The following NRBP2 variants were observed in gnomAD, a reference collection of about 807,000 sequenced individuals.
NRBP2 encodes nuclear receptor binding protein 2, also known as nuclear receptor-binding protein 2.
In NRBP2, 47 loss-of-function variants were observed where a neutral mutation model predicts 74.4. That is an observed-to-expected ratio of 0.63 (90% CI 0.50 to 0.81). NRBP2 has a LOEUF of 0.81. Among genes scored for constraint, NRBP2 ranks in the 30% least tolerant of loss-of-function variants. The pLI is 0.00. For synonymous variants in NRBP2, 312 were observed against 273.8 expected (o/e 1.14, Z -1.38); for missense variants, 613 against 690.1 (o/e 0.89, Z 1.25).
At position 143,834,686 on chromosome 8, in the gene NRBP2, C is replaced by T. The variant is rs1818283582; in HGVS notation, c.*976G>A. On this transcript the variant is annotated 3_prime_UTR_variant, in exon 18 of 18. Coordinates refer to ENST00000442628, the MANE Select transcript of NRBP2 (RefSeq NM_178564.4). Reference sequence around the variant, plus strand: ...GTTTAAAATGCTTAAGGCCATTTCACTAAGTTTGGAATTGGAGGAGAGGCA... The same window carrying T: ...GTTTAAAATGCTTAAGGCCATTTCATTAAGTTTGGAATTGGAGGAGAGGCA... 1 of 152,250 alleles carries T rather than the reference C, an allele frequency of 6.6e-6. No homozygotes were observed. The highest frequency in any genetic ancestry group is 1.5e-5 in the Non-Finnish European group (1 of 68,084). The allele number at this position is 152,250 out of a possible 1,614,324, so 9.4% of individuals were successfully genotyped here.
At position 143,837,633 on chromosome 8, in the gene NRBP2, G is replaced by C; in HGVS notation, c.963C>G (p.Ile321Met). 6.2e-7 allele frequency: 1 copy of C among 1,600,470 alleles called. No individual in the cohort carries two copies. Among genetic ancestry groups the C allele is most frequent in the Non-Finnish European group, 8.5e-7 (1 of 1,173,786 alleles). Reference protein sequence around the residue: ...SLKLLAAHCFIQHQYLMPENV... With the variant: ...SLKLLAAHCFMQHQYLMPENV... ...CGGCCTGCTGCTCACACTGGTGCTG[G>C]ATGAAGCAGTGGGCTGCCAGGAGCT... The change falls in exon 11 of 18, where the codon ATC becomes ATG. Residue 321 changes from isoleucine to methionine, a missense_variant. Transcript: ENST00000442628. This position sits in a 1 kb window ranked among gnomAD's most constrained non-coding sequence, Gnocchi z 4.3.
intron 14 of NRBP2, 69 bp downstream of exon 14, chr8:143,836,969 GA>G: frequency 6.6e-7 from 1 of 1,525,818 alleles, no homozygotes; most frequent in Non-Finnish European, 8.9e-7. Flanking sequence ...CTAAGAGAAG[GA>G]GGGGCACCTC....
Position 143,835,433 on chromosome 8 carries a change from T to C in NRBP2, c.*229A>G, listed in dbSNP as rs1818316088. ...TGGGAAGGGGTTCTGGGGGCAACCCTGATCCTAAGGACCTGGGAGGCCTAA... is the reference window on the plus strand; with the variant it reads ...TGGGAAGGGGTTCTGGGGGCAACCCCGATCCTAAGGACCTGGGAGGCCTAA... On this transcript the variant is annotated 3_prime_UTR_variant, in exon 18 of 18. Transcript: ENST00000442628. This position sits in a 1 kb window ranked among gnomAD's most constrained non-coding sequence, Gnocchi z 4.9. 6.3e-6 allele frequency: 4 copies of C among 632,396 alleles called. No homozygotes were observed. Among genetic ancestry groups the C allele is most frequent in the East Asian group, 5.8e-5 (2 of 34,378 alleles). The allele number at this position is 632,396 out of a possible 1,614,324, so 39.2% of individuals were successfully genotyped here. A position where few individuals can be genotyped will look rare whatever the true frequency, so the allele number is the denominator to read the frequency against.
rs782066741 is a variant in NRBP2, at chr8:143,837,359, G to A, written c.1076+48C>T. 6.5e-6 allele frequency: 10 copies of A among 1,532,168 alleles called. No individual in the cohort carries two copies. The South Asian group carries it at 1.1e-4, about 16-fold the overall frequency. 94.9% of individuals were successfully genotyped at this position (1,532,168 alleles called of 1,614,324 possible). A position where few individuals can be genotyped will look rare whatever the true frequency, so the allele number is the denominator to read the frequency against. ...CCGGGGCGAGGGGAGGGGAGGTGCGGGGAGGGGAGGTGTGGGGAGGGGAGG... is the reference window on the plus strand; with the variant it reads ...CCGGGGCGAGGGGAGGGGAGGTGCGAGGAGGGGAGGTGTGGGGAGGGGAGG... On this transcript the variant is annotated intron_variant, in intron 12 of 17. Coordinates refer to ENST00000442628, the MANE Select transcript of NRBP2 (RefSeq NM_178564.4). The surrounding 1 kb of genome is among the most constrained non-coding windows in gnomAD (Gnocchi z 4.3).
chr8:143,835,320 C>A lies in NRBP2; in HGVS notation c.*342G>T. The A allele has an allele frequency of 2.4e-6, 1 of 410,708 alleles. No homozygotes were observed. The highest frequency in any genetic ancestry group is 4.5e-6 in the Non-Finnish European group (1 of 223,906). 25.4% of individuals were successfully genotyped at this position (410,708 alleles called of 1,614,324 possible). A position where few individuals can be genotyped will look rare whatever the true frequency, so the allele number is the denominator to read the frequency against. ...ACCCCCAAGCCCCAGAGCTGGGGTTCCCTACAGGGCAGCCTCCTGCATGCT... is the reference window on the plus strand; with the variant it reads ...ACCCCCAAGCCCCAGAGCTGGGGTTACCTACAGGGCAGCCTCCTGCATGCT... On this transcript the variant is annotated 3_prime_UTR_variant, in exon 18 of 18. Transcript: ENST00000442628. The surrounding 1 kb of genome is among the most constrained non-coding windows in gnomAD (Gnocchi z 4.9).
Position 143,835,885 on chromosome 8 carries a change from T to C in NRBP2, c.1382-10A>G, listed in dbSNP as rs1195945935. 4.4e-6 allele frequency: 7 copies of C among 1,602,644 alleles called. No individual in the cohort carries two copies. Among genetic ancestry groups the C allele is most frequent in the Non-Finnish European group, 5.9e-6 (7 of 1,177,892 alleles). ...TCCTGGGCGCTGTCCGCTGAGGCAA[T>C]GGCGTAAGGCGAGGCATGAGGCCGC... On this transcript the variant is annotated splice_polypyrimidine_tract_variant and intron_variant, in intron 16 of 17. Transcript: ENST00000442628. The surrounding 1 kb of genome is among the most constrained non-coding windows in gnomAD (Gnocchi z 4.9).
At chr8:143,836,747 G>A (rs1218883526) in intron 14 of NRBP2, among the ~76,000 whole-genome samples, 1 of 151,470 alleles carries the variant, frequency 6.6e-6, no homozygotes, top group African/African-American at 2.4e-5. Flanking sequence ...CTGGCAGGGT[G>A]GAAGAGCCCG....
rs1554651401 is a variant in NRBP2, at chr8:143,835,772, T to TGCCCCGTGC, written c.1437+39_1438-43dup. 3 of 1,601,662 alleles carry TGCCCCGTGC rather than the reference T, an allele frequency of 1.9e-6. No homozygotes were observed. The highest frequency in any genetic ancestry group is 2.2e-5 in the East Asian group (1 of 44,576). ...GCATGGGGGACGGAGGGGCGCGGCC[T>TGCCCCGTGC]GCCCCGTGCGCCCCCTCCGCCAGGC... On this transcript the variant is annotated intron_variant, in intron 17 of 17. Coordinates refer to ENST00000442628, the MANE Select transcript of NRBP2 (RefSeq NM_178564.4). The surrounding 1 kb of genome is among the most constrained non-coding windows in gnomAD (Gnocchi z 4.9).
chr8:143,837,006 G>A lies in NRBP2; in HGVS notation c.1263+33C>T, dbSNP rs782043086. The A allele has an allele frequency of 5.6e-6, 9 of 1,596,222 alleles. No individual in the cohort carries two copies. Among genetic ancestry groups the A allele is most frequent in the East Asian group, 2.2e-5 (1 of 44,822 alleles). On this transcript the variant is annotated intron_variant, in intron 14 of 17. Coordinates refer to ENST00000442628, the MANE Select transcript of NRBP2 (RefSeq NM_178564.4). The surrounding 1 kb of genome is among the most constrained non-coding windows in gnomAD (Gnocchi z 4.3). Reference sequence around the variant, plus strand: ...TTATCTGGCTGTTAGAAGGTCTGAGGGATGGCACTGAGCAGCAGGAGAGGG... The same window carrying A: ...TTATCTGGCTGTTAGAAGGTCTGAGAGATGGCACTGAGCAGCAGGAGAGGG...
downstream of NRBP2, among the ~76,000 whole-genome samples, chr8:143,831,143 T>G (rs1046408708): frequency 6.6e-6 from 1 of 152,242 alleles, no homozygotes; most frequent in African/African-American, 2.4e-5. Flanking sequence ...GCACGCAGGA[T>G]GCATGGTGCC....
In NRBP2 at chr8:143,835,806, A is replaced by C. The variant is rs782375617; in HGVS notation, c.1437+14T>G. The C allele has an allele frequency of 6.2e-7, 1 of 1,600,308 alleles. No homozygotes were observed. The highest frequency in any genetic ancestry group is 1.7e-5 in the Admixed American group (1 of 58,234). On this transcript the variant is annotated intron_variant, in intron 17 of 17. Transcript: ENST00000442628. This position sits in a 1 kb window ranked among gnomAD's most constrained non-coding sequence, Gnocchi z 4.9. ...CGCCCCCTCCGCCAGGCCGCGCCGC[A>C]CCGCCCAGCGCACCTCGTGGAGGAA...
At chr8:143,838,054 C>G in intron 10 of NRBP2, 2 of 643,076 alleles carry the variant, frequency 3.1e-6, no homozygotes. Context: ...TACCCATGGC[C>G]TTTTGATCGG....
chr8:143,838,904 G>A lies in NRBP2; in HGVS notation c.723C>T (p.Ser241=). 6.2e-7 allele frequency: 1 copy of A among 1,612,804 alleles called. No individual in the cohort carries two copies. The highest frequency in any genetic ancestry group is 8.5e-7 in the Non-Finnish European group (1 of 1,179,502). The change falls in exon 9 of 18, where the codon TCC becomes TCT. Residue 241 remains serine, a synonymous_variant. Transcript: ENST00000442628. The part of the protein sequence containing the change: ...VADGTAVDIF[S]FGMCALEMAV... ...GTACCTCCAGCGCACACATCCCAAAGGAGAAGATGTCCACAGCGGTCCCAT... is the reference window on the plus strand; with the variant it reads ...GTACCTCCAGCGCACACATCCCAAAAGAGAAGATGTCCACAGCGGTCCCAT...
chr8:143,833,478 A>G (rs1818234559), downstream of NRBP2: 6 of 152,164 alleles, frequency 3.9e-5, no homozygotes, highest in South Asian at 1.2e-3. Context: ...GATGCCAGCC[A>G]GGGACATCTA....
chr8:143,831,704 TAAATC>T (rs1327653976), downstream of NRBP2, among the ~76,000 whole-genome samples: 3 of 152,154 alleles, frequency 2.0e-5, no homozygotes, highest in Non-Finnish European at 4.4e-5. Context: ...TCAGCAGAGA[TAAATC>T]AAGAAAATTT....
At chr8:143,838,040 C>A in intron 10 of NRBP2, 1 of 666,764 alleles carries the variant, frequency 1.5e-6, no homozygotes. Context: ...ACCTGCAAGC[C>A]TCCTACCCAT....
chr8:143,837,877 G>T lies in NRBP2; in HGVS notation c.841-122C>A. 7.9e-7 allele frequency: 1 copy of T among 1,266,184 alleles called. No individual in the cohort carries two copies. The highest frequency in any genetic ancestry group is 1.3e-5 in the South Asian group (1 of 78,426). The allele number at this position is 1,266,184 out of a possible 1,614,324, so 78.4% of individuals were successfully genotyped here. A position where few individuals can be genotyped will look rare whatever the true frequency, so the allele number is the denominator to read the frequency against. On this transcript the variant is annotated intron_variant, in intron 10 of 17. Coordinates refer to ENST00000442628, the MANE Select transcript of NRBP2 (RefSeq NM_178564.4). This position sits in a 1 kb window ranked among gnomAD's most constrained non-coding sequence, Gnocchi z 4.3. ...CCTCAGGGACACACAGGACATGCAG[G>T]GATGCCCATAGGGAGGAGTCCCAGC...
Position 143,838,928 on chromosome 8 carries a change from A to G in NRBP2, c.699T>C (p.Asp233=). The change falls in exon 9 of 18, where the codon GAT becomes GAC. Residue 233 remains aspartate, a synonymous_variant. Coordinates refer to ENST00000442628, the MANE Select transcript of NRBP2 (RefSeq NM_178564.4). The stretch of plus-strand genomic sequence containing the variant: ...AGGAGAAGATGTCCACAGCGGTCCC[A>G]TCGGCCACCTCTGAACAGAAGAGAG... ...FFPPEYGEVA[D]GTAVDIFSFG... The G allele has an allele frequency of 6.2e-7, 1 of 1,608,822 alleles. No homozygotes were observed. Among genetic ancestry groups the G allele is most frequent in the Non-Finnish European group, 8.5e-7 (1 of 1,177,578 alleles).
chr8:143,836,470 G>T (rs1384615778), intron 14 of NRBP2, among the ~76,000 whole-genome samples: 1 of 152,024 alleles, frequency 6.6e-6, no homozygotes, highest in Non-Finnish European at 1.5e-5. Flanking sequence ...CCGCGCCGAA[G>T]TGCACGGTGC....
Sources: gnomAD v4.1 joint callset for allele counts (sites outside exome capture counted in the v4.1 genomes callset) on GRCh38, gnomAD v4.1.1 for gene constraint, Gnocchi (gnomAD v3.1) non-coding constraint, MANE v1.5 for transcripts, NCBI Gene and HGNC (gene_info 2026-07-23, HGNC 2026-07-21) for gene names.